The following TCF4 variants were observed in gnomAD, a reference collection of about 807,000 sequenced individuals.
TCF4 encodes transcription factor 4, also known as SL3-3 enhancer factor 2.
TCF4 carries 3 observed loss-of-function variants against 82.1 expected under a neutral mutation model. That is an observed-to-expected ratio of 0.04 (90% confidence interval 0.02 to 0.09). The LOEUF (loss-of-function observed/expected upper bound fraction) is 0.09. TCF4 is among the 10% of genes least tolerant of loss of function. The probability of loss-of-function intolerance (pLI) is 1.00; values close to 1 mark genes in which losing one functional copy is unlikely to be tolerated. For missense variants in TCF4, 518 were observed against 852.7 expected (o/e 0.61, Z 4.89); for synonymous variants, 276 against 309.6 (o/e 0.89, Z 1.14).
At chr18:55,365,191 A>ATATATATATATATGTGTGTGTG (rs1361444592) in intron 6 of TCF4, among the ~76,000 whole-genome samples, 26 of 97,930 alleles carry the variant, frequency 2.7e-4, no homozygotes, top group African/African-American at 1.2e-3. Flanking sequence ...ATATATATAT[A>ATATATATATATATGTGTGTGTG]TGTGTGTGTG....
chr18:55,407,527 C>T (rs372963783), intron 5 of TCF4, among the ~76,000 whole-genome samples: 24 of 151,752 alleles, frequency 1.6e-4, no homozygotes, highest in African/African-American at 5.3e-4. Context: ...CCGTCCGCTG[C>T]TAAAGCCTAT....
intron 8 of TCF4, among the ~76,000 whole-genome samples, chr18:55,320,352 G>C (rs1272396852): frequency 6.6e-6 from 1 of 152,022 alleles, no homozygotes; most frequent in East Asian, 1.9e-4. Flanking sequence ...GATAAAAATA[G>C]GATAGCGCTA....
chr18:55,266,769 C>T (rs140911209), intron 11 of TCF4: 94 of 152,224 alleles, frequency 6.2e-4, no homozygotes, highest in African/African-American at 2.2e-3. Context: ...ACAAGAAACA[C>T]CTGGTCACTC....
At chr18:55,448,234 C>T (rs2095560016) in intron 5 of TCF4, among the ~76,000 whole-genome samples, 4 of 152,176 alleles carry the variant, frequency 2.6e-5, no homozygotes, top group Non-Finnish European at 4.4e-5. Context: ...AGGTTTTTCA[C>T]GTGTAGTGGG....
intron 2 of TCF4, among the ~76,000 whole-genome samples, chr18:55,627,887 T>C (rs9675364): frequency 9.2e-5 from 14 of 151,958 alleles, no homozygotes; most frequent in African/African-American, 2.7e-4. Context: ...GGTGAAACCC[T>C]GTCTCTACTA....
At chr18:55,437,210 A>G (rs1265221638) in intron 5 of TCF4, among the ~76,000 whole-genome samples, 1 of 152,224 alleles carries the variant, frequency 6.6e-6, no homozygotes, top group Non-Finnish European at 1.5e-5. Flanking sequence ...ATTGGTAAAA[A>G]TCTGCTAACC....
chr18:55,270,238 A>C (rs1037726742), intron 10 of TCF4, among the ~76,000 whole-genome samples: 12 of 152,148 alleles, frequency 7.9e-5, no homozygotes, highest in African/African-American at 2.9e-4. Context: ...TCTACAGATT[A>C]CTGCTTAAAA....
chr18:55,316,094 T>G (rs528655479), intron 8 of TCF4, among the ~76,000 whole-genome samples: 1 of 152,210 alleles, frequency 6.6e-6, no homozygotes, highest in Admixed American at 6.5e-5. Flanking sequence ...ATGTTGACTG[T>G]GAAAGATTAT....
chr18:55,264,313 A>AT, intron 11 of TCF4, among the ~76,000 whole-genome samples: 1 of 152,270 alleles, frequency 6.6e-6, no homozygotes, highest in Non-Finnish European at 1.5e-5. Context: ...AGAACAGACT[A>AT]TTTTTTAACA....
chr18:55,623,133 T>A (rs1048690344), intron 2 of TCF4, among the ~76,000 whole-genome samples: 1 of 152,162 alleles, frequency 6.6e-6, no homozygotes, highest in East Asian at 1.9e-4. Context: ...TTAAACACAC[T>A]GTCTTTTGTT....
chr18:55,402,433 C>T (rs2093876507), intron 6 of TCF4, among the ~76,000 whole-genome samples: 1 of 151,338 alleles, frequency 6.6e-6, no homozygotes, highest in Admixed American at 6.6e-5. Context: ...ATTTTTTTCC[C>T]CCATCAAGAA....
intron 10 of TCF4, among the ~76,000 whole-genome samples, chr18:55,270,463 AC>A (rs1430519599): frequency 6.6e-6 from 1 of 152,118 alleles, no homozygotes; most frequent in Non-Finnish European, 1.5e-5. Flanking sequence ...ATTTTTTTGA[AC>A]CCCAGCAACA....
At chr18:55,351,730 TA>T in intron 6 of TCF4, 1 of 554,886 alleles carries the variant, frequency 1.8e-6, no homozygotes, top group Non-Finnish European at 2.3e-6. Context: ...ATTAAACTTC[TA>T]AAAATGATGA....
chr18:55,259,311 T>C (rs1056976900), intron 13 of TCF4, among the ~76,000 whole-genome samples: 3 of 152,078 alleles, frequency 2.0e-5, no homozygotes, highest in Non-Finnish European at 4.4e-5. Flanking sequence ...GGAAAGACAA[T>C]GAGTCTCTTA....
At chr18:55,292,964 G>C (rs565369448) in intron 8 of TCF4, among the ~76,000 whole-genome samples, 1 of 152,066 alleles carries the variant, frequency 6.6e-6, no homozygotes, top group Non-Finnish European at 1.5e-5. Context: ...ATAAAGCCTA[G>C]AAGTAGGGGG....
intron 3 of TCF4, among the ~76,000 whole-genome samples, chr18:55,469,273 G>A (rs900490044): frequency 6.6e-6 from 1 of 152,076 alleles, no homozygotes; most frequent in African/African-American, 2.4e-5. Flanking sequence ...AAGCCAGCCT[G>A]GCCAAAATGG....
At chr18:55,409,229 A>T (rs1603450083) in intron 5 of TCF4, among the ~76,000 whole-genome samples, 1 of 152,206 alleles carries the variant, frequency 6.6e-6, no homozygotes. Context: ...TGATCCCACA[A>T]CGGGCTCCAA....
chr18:55,587,336 GCAAAA>G, intron 1 of TCF4, 200 bp from the exon 2 acceptor site: 1 of 13,494 alleles, frequency 7.4e-5, no homozygotes, highest in Non-Finnish European at 1.2e-4. Context: ...GGCAGCAATA[GCAAAA>G]AAAAAAAAAA....
intron 3 of TCF4, among the ~76,000 whole-genome samples, chr18:55,558,253 A>T (rs2097322851): frequency 6.6e-6 from 1 of 152,128 alleles, no homozygotes; most frequent in African/African-American, 2.4e-5. Flanking sequence ...GAGCCAGTAG[A>T]AACTTGTATC....
Sources: allele counts gnomAD v4.1 joint callset (sites outside exome capture counted in the v4.1 genomes callset), GRCh38; gene constraint gnomAD v4.1.1; transcripts MANE v1.5; gene names NCBI Gene and HGNC (gene_info 2026-07-23, HGNC 2026-07-21).